ITGA11: variants seen among roughly 807,000 people sequenced by gnomAD.
ITGA11 encodes the protein integrin alpha-11.
A neutral mutation model predicts 141.9 loss-of-function variants in ITGA11; 97 were observed. The ratio of observed to expected loss-of-function variants is 0.68; its 90% CI spans 0.58 to 0.81. The LOEUF (loss-of-function observed/expected upper bound fraction) is 0.81, where lower values mean the gene tolerates loss of function less well. Among genes scored for constraint, ITGA11 ranks in the 30% least tolerant of loss-of-function variants. ITGA11 has a pLI of 0.00. For missense variants in ITGA11, 1,387 were observed against 1,559.2 expected (o/e 0.89, Z 1.86); for synonymous variants, 658 against 624.6 (o/e 1.05, Z -0.80).
At position 68,325,411 on chromosome 15, in the gene ITGA11, TG is replaced by T. The variant is rs5813482; in HGVS notation, c.2212-171del. Among the ~76,000 whole-genome samples, 6,371 of 152,238 alleles carry T rather than the reference TG, an allele frequency of 0.042. 177 individuals are homozygous for T. The highest frequency in any genetic ancestry group is 0.065 in the Middle Eastern group (19 of 294). ...TGGAGGTTTCTAGCGGGTCTGTTGG[TG>T]GGAAGAGTGTGCTTCTGTGAAAGGA... On this transcript the variant is annotated intron_variant, in intron 17 of 29. Transcript: ENST00000315757. This position sits in a 1 kb window ranked among gnomAD's most constrained non-coding sequence, Gnocchi z 5.5.
chr15:68,385,272 C>G (rs1195368738), intron 2 of ITGA11, among the ~76,000 whole-genome samples: 1 of 152,218 alleles, frequency 6.6e-6, no homozygotes, highest in Non-Finnish European at 1.5e-5. Flanking sequence ...CTCGGACATG[C>G]CTTTGCTGCC....
At chr15:68,361,568 T>C (rs1383380564) in intron 5 of ITGA11, 22 bp downstream of exon 5, 1 of 1,501,004 alleles carries the variant, frequency 6.7e-7, no homozygotes, top group East Asian at 2.3e-5. Context: ...CAGCTTGAGG[T>C]TGCAGATTTG....
At chr15:68,369,342 G>T in intron 2 of ITGA11, 58 bp from the exon 3 acceptor site, 8 of 1,115,134 alleles carry the variant, frequency 7.2e-6, no homozygotes, top group South Asian at 1.3e-5. Flanking sequence ...TCCTGGCAGA[G>T]GATGGAGCCT....
At chr15:68,344,381 C>T (rs1205797898) in intron 10 of ITGA11, among the ~76,000 whole-genome samples, 6 of 152,298 alleles carry the variant, frequency 3.9e-5, no homozygotes, top group African/African-American at 1.4e-4. Flanking sequence ...ATCAGATACG[C>T]AAAACCAGTT....
intron 1 of ITGA11, among the ~76,000 whole-genome samples, chr15:68,408,407 G>T (rs1004125605): frequency 6.6e-6 from 1 of 152,028 alleles, no homozygotes; most frequent in Non-Finnish European, 1.5e-5. Context: ...CCTGTCTCCC[G>T]CATCAGGACG....
chr15:68,347,215 G>A (rs563567351), intron 10 of ITGA11, among the ~76,000 whole-genome samples: 3 of 152,304 alleles, frequency 2.0e-5, no homozygotes, highest in Non-Finnish European at 2.9e-5. Context: ...CTCTCACCTC[G>A]CTGTGCTGGG....
intron 2 of ITGA11, among the ~76,000 whole-genome samples, chr15:68,390,540 G>A (rs1292270916): frequency 2.6e-5 from 4 of 152,108 alleles, no homozygotes; most frequent in Non-Finnish European, 5.9e-5. Flanking sequence ...TTTCAAACAT[G>A]CAGCTTCCTG....
rs563411177 is a variant in ITGA11, at chr15:68,430,668, G to A, written c.52+1347C>T. Reference sequence around the variant, plus strand: ...CCCTCCTGTCTAAACACACCTAAATGGGCTTGGCCTCCTCCCGCAGCTGGC... The same window carrying A: ...CCCTCCTGTCTAAACACACCTAAATAGGCTTGGCCTCCTCCCGCAGCTGGC... On this transcript the variant is annotated intron_variant, in intron 1 of 29. Coordinates refer to ENST00000315757, the MANE Select transcript of ITGA11 (RefSeq NM_001004439.2). Among the ~76,000 whole-genome samples the A allele has an allele frequency of 5.3e-5, 8 of 152,288 alleles. No individual in the cohort carries two copies. The East Asian group carries it at 1.4e-3, about 26-fold the overall frequency.
At position 68,302,054 on chromosome 15, in the gene ITGA11, C is replaced by CTGTGTGTGTGTG. The variant is rs1567118335; in HGVS notation, c.*1004_*1005insCACACACACACA. 1 of 51,230 alleles carries CTGTGTGTGTGTG rather than the reference C, an allele frequency of 2.0e-5. No homozygotes were observed. The highest frequency in any genetic ancestry group is 1.2e-3 in the South Asian group (1 of 828). 3.2% of individuals were successfully genotyped at this position (51,230 alleles called of 1,614,324 possible). On this transcript the variant is annotated 3_prime_UTR_variant, in exon 30 of 30. Transcript: ENST00000315757. ...GCGGGCATGAGGGAAGGATGGGAGG[C>CTGTGTGTGTGTG]AGTGTGTGTGTGTGTGTGTGTGTGT...
Position 68,402,935 on chromosome 15 carries a change from G to A in ITGA11, c.147C>T (p.Asp49=). ...AFFGYTVQQH[D]ISGNKWLVVG... ...TCACTCACCACTTATTGCCACTGATGTCGTGCTGCTGCACTGTGTAGCCAA... is the reference window on the plus strand; with the variant it reads ...TCACTCACCACTTATTGCCACTGATATCGTGCTGCTGCACTGTGTAGCCAA... Residue 49 remains aspartate, a synonymous_variant, in exon 2 of 30, where the codon GAC becomes GAT. Transcript: ENST00000315757. 6.2e-7 allele frequency: 1 copy of A among 1,613,094 alleles called. No homozygotes were observed. The highest frequency in any genetic ancestry group is 8.5e-7 in the Non-Finnish European group (1 of 1,179,262).
At chr15:68,355,124 C>T (rs150545488) in intron 7 of ITGA11, among the ~76,000 whole-genome samples, 198 of 152,288 alleles carry the variant, frequency 1.3e-3, no homozygotes, top group Non-Finnish European at 2.3e-3. Flanking sequence ...AGTCAGTTAG[C>T]TTCACACTGA....
At chr15:68,347,325 G>C (rs1257104811) in intron 10 of ITGA11, among the ~76,000 whole-genome samples, 1 of 152,220 alleles carries the variant, frequency 6.6e-6, no homozygotes, top group Non-Finnish European at 1.5e-5. Context: ...GCACTGAAAA[G>C]AGTGGCTGAT....
intron 21 of ITGA11, among the ~76,000 whole-genome samples, chr15:68,316,543 A>G (rs973480494): frequency 6.6e-6 from 1 of 152,170 alleles, no homozygotes; most frequent in African/African-American, 2.4e-5. Context: ...CGGTGCCTCA[A>G]CCCAGAAACC....
At chr15:68,351,643 T>C (rs1894914344) in intron 7 of ITGA11, among the ~76,000 whole-genome samples, 1 of 152,168 alleles carries the variant, frequency 6.6e-6, no homozygotes, top group African/African-American at 2.4e-5. Context: ...AAAGCCCCTT[T>C]GGAGTCCTGA....
rs978689100 is a variant in ITGA11 at position 68,336,615 on chromosome 15, G to C, written c.1277-770C>G. On this transcript the variant is annotated intron_variant, in intron 11 of 29. Coordinates refer to ENST00000315757, the MANE Select transcript of ITGA11 (RefSeq NM_001004439.2). ...TGCAGCAACTTCAGGCAACTCTCCT[G>C]AAAGTGGGCTCCAGCAGGTGTGGAA... Among the ~76,000 whole-genome samples the C allele has an allele frequency of 2.5e-4, 38 of 152,190 alleles. 1 individual carries two copies. Among genetic ancestry groups the C allele is most frequent in the African/African-American group, 7.7e-4 (32 of 41,450 alleles).
chr15:68,411,732 A>G (rs1896775262), intron 1 of ITGA11, among the ~76,000 whole-genome samples: 2 of 152,170 alleles, frequency 1.3e-5, no homozygotes. Flanking sequence ...TCCTGCCTCT[A>G]AAAGAGGAGA....
chr15:68,403,943 G>A (rs2140414566), intron 1 of ITGA11, among the ~76,000 whole-genome samples: 1 of 152,174 alleles, frequency 6.6e-6, no homozygotes, highest in South Asian at 2.1e-4. Flanking sequence ...TGGATAGGGG[G>A]GACATAAAAC....
In ITGA11 at chr15:68,396,976, T is replaced by A. The variant is rs572550805; in HGVS notation, c.164+5942A>T. On this transcript the variant is annotated intron_variant, in intron 2 of 29. Transcript: ENST00000315757. ...ATTTATTATATAATAAATAATATAT[T>A]ATATATTATTTATTATATAATATAT... Among the ~76,000 whole-genome samples the A allele has an allele frequency of 1.3e-4, 5 of 39,100 alleles. 1 individual carries two copies. Among genetic ancestry groups the A allele is most frequent in the African/African-American group, 5.5e-4 (5 of 9,020 alleles). The allele number at this position is 39,100 out of a possible 152,430, so 25.7% of individuals were successfully genotyped here.
At position 68,331,156 on chromosome 15, in the gene ITGA11, T is replaced by C. The variant is rs918828796; in HGVS notation, c.1771-45A>G. The C allele has an allele frequency of 1.2e-5, 18 of 1,473,752 alleles. No homozygotes were observed. In the African/African-American group the frequency reaches 2.4e-4, roughly 20 times the overall value. The allele number at this position is 1,473,752 out of a possible 1,614,324, so 91.3% of individuals were successfully genotyped here. On this transcript the variant is annotated intron_variant, in intron 14 of 29. Coordinates refer to ENST00000315757, the MANE Select transcript of ITGA11 (RefSeq NM_001004439.2). Reference sequence around the variant, plus strand: ...AGGGGGAGGGCATGCACACTGTGAGTGTGGGGGCGGGCGTCCCCGAGCAGC... The same window carrying C: ...AGGGGGAGGGCATGCACACTGTGAGCGTGGGGGCGGGCGTCCCCGAGCAGC...
Sources: gnomAD v4.1 joint callset for allele counts (sites outside exome capture counted in the v4.1 genomes callset) on GRCh38, gnomAD v4.1.1 for gene constraint, Gnocchi (gnomAD v3.1) non-coding constraint, MANE v1.5 for transcripts, NCBI Gene and HGNC (gene_info 2026-07-23, HGNC 2026-07-21) for gene names.